TTC28: variants seen among roughly 807,000 people sequenced by gnomAD.
The protein encoded by TTC28 is tetratricopeptide repeat domain 28.
Under a neutral mutation model 198.0 loss-of-function variants are expected in TTC28, and 61 were observed. The observed-to-expected ratio is 0.31, with a 90% CI of 0.25 to 0.38. The LOEUF (loss-of-function observed/expected upper bound fraction) is 0.38. Ranked by LOEUF, TTC28 falls within the 10% of genes least tolerant of loss-of-function variation. The pLI is 1.00. For synonymous variants in TTC28, 1,171 were observed against 1,297.8 expected (o/e 0.90, Z 2.10); for missense variants, 2,678 against 3,164.0 (o/e 0.85, Z 3.69).
intron 2 of TTC28, among the ~76,000 whole-genome samples, chr22:28,523,720 A>G (rs2048951703): frequency 6.6e-6 from 1 of 152,246 alleles, no homozygotes; most frequent in Non-Finnish European, 1.5e-5. Flanking sequence ...CAGTTAGCAA[A>G]GAACACAGTA....
intron 2 of TTC28, among the ~76,000 whole-genome samples, chr22:28,456,678 C>T (rs1255274634): frequency 2.0e-5 from 3 of 152,150 alleles, no homozygotes; most frequent in Admixed American, 6.5e-5. Flanking sequence ...AGGATTCAAG[C>T]GATTCTCCTG....
chr22:28,469,553 G>A (rs1033750399), intron 2 of TTC28, among the ~76,000 whole-genome samples: 1 of 152,178 alleles, frequency 6.6e-6, no homozygotes, highest in Non-Finnish European at 1.5e-5. Context: ...CCTTATAAGA[G>A]GGAGGCAGAG....
At chr22:28,513,537 G>C (rs148434147) in intron 2 of TTC28, among the ~76,000 whole-genome samples, 2 of 152,140 alleles carry the variant, frequency 1.3e-5, no homozygotes, top group Admixed American at 6.5e-5. Context: ...CCAAGAATTC[G>C]AGGCTGCATA....
Position 28,328,801 on chromosome 22 carries a change from T to TAATAAA in TTC28, c.382-22159_382-22158insTTTATT, listed in dbSNP as rs1429478154. Among the ~76,000 whole-genome samples, 53 of 96,342 alleles carry TAATAAA rather than the reference T, an allele frequency of 5.5e-4. 1 individual carries two copies. The highest frequency in any genetic ancestry group is 1.9e-3 in the African/African-American group (48 of 24,958). 63.2% of individuals were successfully genotyped at this position (96,342 alleles called of 152,430 possible). ...ATAATAATAATAATAATAATAATAA[T>TAATAAA]AATATGTTCTGAAGAGGTATAAGCT... On this transcript the variant is annotated intron_variant, in intron 2 of 22. Transcript: ENST00000397906.
At chr22:28,267,589 T>C (rs1479590217) in intron 5 of TTC28, among the ~76,000 whole-genome samples, 14 of 152,218 alleles carry the variant, frequency 9.2e-5, no homozygotes, top group Admixed American at 9.2e-4. Flanking sequence ...AAAGTAAATA[T>C]GGATGTCTGA....
chr22:27,990,632 A>G (rs470100), intron 20 of TTC28, among the ~76,000 whole-genome samples, 157 bp downstream of exon 20: 90,705 of 151,930 alleles, frequency 0.6, 27,631 homozygotes, highest in African/African-American at 0.69. Flanking sequence ...ACGGGCCGCC[A>G]GTCCAGCAGC....
intron 2 of TTC28, among the ~76,000 whole-genome samples, chr22:28,466,714 C>CATA (rs2048025204): frequency 6.6e-6 from 1 of 152,016 alleles, no homozygotes; most frequent in African/African-American, 2.4e-5. Flanking sequence ...TATGGGTGCC[C>CATA]AGGCTTGGGC....
chr22:28,384,298 G>A (rs1244720098), intron 2 of TTC28, among the ~76,000 whole-genome samples: 2 of 152,000 alleles, frequency 1.3e-5, no homozygotes, highest in South Asian at 4.2e-4. Flanking sequence ...ATGTTGCCCA[G>A]GCTGATCTCA....
intron 5 of TTC28, among the ~76,000 whole-genome samples, chr22:28,252,824 C>T (rs1930619385): frequency 6.6e-6 from 1 of 152,172 alleles, no homozygotes; most frequent in Admixed American, 6.6e-5. Flanking sequence ...GTTTTAGAAA[C>T]ATGTTGACTG....
At chr22:28,581,400 C>A (rs903523739) in intron 2 of TTC28, among the ~76,000 whole-genome samples, 4 of 152,122 alleles carry the variant, frequency 2.6e-5, no homozygotes, top group Non-Finnish European at 4.4e-5. Context: ...AACACGACAT[C>A]CTTTGAGATA....
chr22:28,264,918 G>T (rs918256476), intron 5 of TTC28, among the ~76,000 whole-genome samples: 3 of 152,122 alleles, frequency 2.0e-5, no homozygotes, highest in Admixed American at 2.0e-4. Flanking sequence ...AGAGACAATA[G>T]TATCGAATAT....
chr22:28,181,182 C>A (rs750376617), intron 5 of TTC28, among the ~76,000 whole-genome samples: 1 of 152,076 alleles, frequency 6.6e-6, no homozygotes, highest in Non-Finnish European at 1.5e-5. Context: ...GTTGGAAGAA[C>A]AATATGTCAG....
chr22:28,174,559 C>G (rs1601428324), intron 5 of TTC28, among the ~76,000 whole-genome samples: 1 of 151,998 alleles, frequency 6.6e-6, no homozygotes, highest in Admixed American at 6.6e-5. Flanking sequence ...GAAAATTCAC[C>G]CTTGTAGCGC....
intron 2 of TTC28, among the ~76,000 whole-genome samples, chr22:28,416,657 TC>T (rs35752961): frequency 0.26 from 39,688 of 152,070 alleles, 6,470 homozygotes; most frequent in South Asian, 0.38. Flanking sequence ...ATGACTTGGC[TC>T]AGTTTCGTCA....
chr22:28,268,950 C>T (rs1333701602), intron 5 of TTC28, among the ~76,000 whole-genome samples: 2 of 152,144 alleles, frequency 1.3e-5, no homozygotes, highest in Non-Finnish European at 2.9e-5. Context: ...ACTTTTTGCA[C>T]TCACAATCAT....
Position 27,980,635 on chromosome 22 carries a change from T to TGGCCCA in TTC28, c.*1580_*1585dup, listed in dbSNP as rs1936977454. On this transcript the variant is annotated 3_prime_UTR_variant, in exon 23 of 23. Transcript: ENST00000397906. ...TCAGGTCTGCTCCATGTGCTGCTGGTGGCCCAGGCCAGGTGGCCGCCCACC... is the reference window on the plus strand; with the variant it reads ...TCAGGTCTGCTCCATGTGCTGCTGGTGGCCCAGGCCCAGGCCAGGTGGCCGCCCACC... 1 of 152,262 alleles carries TGGCCCA rather than the reference T, an allele frequency of 6.6e-6. No individual in the cohort carries two copies. The highest frequency in any genetic ancestry group is 2.4e-5 in the African/African-American group (1 of 41,474). 9.4% of individuals were successfully genotyped at this position (152,262 alleles called of 1,614,324 possible). A position where few individuals can be genotyped will look rare whatever the true frequency, so the allele number is the denominator to read the frequency against.
intron 12 of TTC28, among the ~76,000 whole-genome samples, chr22:28,086,923 A>C (rs1161391563): frequency 2.6e-5 from 4 of 152,170 alleles, no homozygotes; most frequent in Admixed American, 6.5e-5. Context: ...GAAATGGATA[A>C]ATTCCTCGAC....
chr22:28,602,176 A>C (rs1220355287), intron 2 of TTC28, among the ~76,000 whole-genome samples: 1 of 152,204 alleles, frequency 6.6e-6, no homozygotes, highest in Non-Finnish European at 1.5e-5. Flanking sequence ...GCACCAAACA[A>C]GAAAATAACA....
intron 12 of TTC28, among the ~76,000 whole-genome samples, chr22:28,034,115 C>A (rs565601782): frequency 6.6e-6 from 1 of 152,250 alleles, no homozygotes; most frequent in East Asian, 1.9e-4. Flanking sequence ...AGTCTCATGG[C>A]CTGATTTTAG....
Sources: gnomAD v4.1 joint callset for allele counts (sites outside exome capture counted in the v4.1 genomes callset) on GRCh38, gnomAD v4.1.1 for gene constraint, MANE v1.5 for transcripts, NCBI Gene and HGNC (gene_info 2026-07-23, HGNC 2026-07-21) for gene names.